Variants in CTIF observed in about 807,000 individuals in gnomAD.
The protein encoded by CTIF is CBP80/20-dependent translation initiation factor.
In CTIF, 21 loss-of-function variants were observed where a neutral mutation model predicts 66.0. The ratio of observed to expected loss-of-function variants is 0.32; its 90% confidence interval spans 0.23 to 0.46. The LOEUF (loss-of-function observed/expected upper bound fraction) is 0.46. Ranked by LOEUF, CTIF falls within the 20% of genes least tolerant of loss-of-function variation. CTIF has a pLI of 1.00. For missense variants in CTIF, 739 were observed against 812.7 expected, an observed-to-expected ratio of 0.91 and a Z score of 1.10; for synonymous variants, 345 against 326.4, an observed-to-expected ratio of 1.06 and a Z score of -0.62.
intron 1 of CTIF, among the ~76,000 whole-genome samples, chr18:48,577,504 T>C (rs1054426993): frequency 1.2e-4 from 19 of 152,316 alleles, no homozygotes; most frequent in Non-Finnish European, 2.6e-4. Flanking sequence ...AGATAAAAGC[T>C]TTTTTGAGAT....
At chr18:48,570,368 T>G (rs1462452190) in intron 1 of CTIF, among the ~76,000 whole-genome samples, 1 of 152,232 alleles carries the variant, frequency 6.6e-6, no homozygotes, top group Non-Finnish European at 1.5e-5. Flanking sequence ...AGTCCTGTCC[T>G]TCCATCATCA....
rs778494581 is a variant in CTIF, at chr18:48,636,630, G to A, written c.197G>A (p.Ser66Asn). 2 of 1,591,030 alleles carry A rather than the reference G, an allele frequency of 1.3e-6. No individual in the cohort carries two copies. Among genetic ancestry groups the A allele is most frequent in the Non-Finnish European group, 1.7e-6 (2 of 1,170,856 alleles). The part of the protein sequence containing the change: ...SHISQWTADC[S>N]EPLDSSCSFS... Reference sequence around the variant, plus strand: ...GTTCTGCAGTGGACAGCGGACTGCAGCGAACCGCTGGACAGCAGCTGTTCC... The same window carrying A: ...GTTCTGCAGTGGACAGCGGACTGCAACGAACCGCTGGACAGCAGCTGTTCC... Residue 66 changes from serine (S) to asparagine (N), a missense_variant, in exon 3 of 12, where the codon AGC becomes AAC. Coordinates refer to ENST00000256413, the MANE Select transcript of CTIF (RefSeq NM_014772.3).
At chr18:48,604,621 A>C (rs2090170414) in intron 1 of CTIF, among the ~76,000 whole-genome samples, 1 of 152,228 alleles carries the variant, frequency 6.6e-6, no homozygotes, top group Non-Finnish European at 1.5e-5. Flanking sequence ...CATGTACATT[A>C]CTTTTTTAAC....
At chr18:48,556,551 T>G (rs779574446) in intron 1 of CTIF, among the ~76,000 whole-genome samples, 1 of 152,184 alleles carries the variant, frequency 6.6e-6, no homozygotes, top group Non-Finnish European at 1.5e-5. Flanking sequence ...CCCACTCAGC[T>G]GCTCACTGGC....
rs60224766 is a variant in CTIF at position 48,602,850 on chromosome 18, AATGGATGGATGGATGGATGG to A, written c.-28-16669_-28-16650del. Among the ~76,000 whole-genome samples the A allele has an allele frequency of 4.8e-3, 685 of 142,664 alleles. 7 individuals are homozygous for A. Among genetic ancestry groups the A allele is most frequent in the African/African-American group, 0.017 (662 of 38,376 alleles). The allele number at this position is 142,664 out of a possible 152,430, so 93.6% of individuals were successfully genotyped here. On this transcript the variant is annotated intron_variant, in intron 1 of 11. Coordinates refer to ENST00000256413, the MANE Select transcript of CTIF (RefSeq NM_014772.3). ...GGATGAATGGATGGATGGATGGATG[AATGGATGGATGGATGGATGG>A]ATGGATGGATGGATGGATAAGAATG... is the stretch of plus-strand genomic sequence containing the variant.
At chr18:48,806,274 G>A (rs575899713) in intron 9 of CTIF, among the ~76,000 whole-genome samples, 1 of 152,306 alleles carries the variant, frequency 6.6e-6, no homozygotes, top group Non-Finnish European at 1.5e-5. Context: ...CAATTGCCCG[G>A]GAGAAGAATG....
intron 10 of CTIF, among the ~76,000 whole-genome samples, chr18:48,844,586 CTTAG>C (rs1226824019): frequency 2.0e-5 from 3 of 152,308 alleles, no homozygotes; most frequent in Admixed American, 6.5e-5. Flanking sequence ...GCCCGCCCGC[CTTAG>C]TTAGGAGGGC....
At chr18:48,837,339 G>A (rs1048994124) in intron 10 of CTIF, among the ~76,000 whole-genome samples, 1 of 152,112 alleles carries the variant, frequency 6.6e-6, no homozygotes, top group African/African-American at 2.4e-5. Context: ...TTTAGCAGGG[G>A]CCTGGCACAC....
intron 1 of CTIF, among the ~76,000 whole-genome samples, chr18:48,608,350 G>A (rs2090242605): frequency 6.6e-6 from 1 of 152,136 alleles, no homozygotes; most frequent in South Asian, 2.1e-4. Context: ...ATAAACGTTA[G>A]CTCAAATATT....
chr18:48,709,822 G>A (rs1466788689), intron 6 of CTIF, among the ~76,000 whole-genome samples: 1 of 152,238 alleles, frequency 6.6e-6, no homozygotes, highest in Admixed American at 6.5e-5. Context: ...GGCCCCAGAG[G>A]CCTATTGTGG....
chr18:48,624,268 A>T (rs2090553751), intron 2 of CTIF, among the ~76,000 whole-genome samples: 1 of 151,488 alleles, frequency 6.6e-6, no homozygotes, highest in South Asian at 2.1e-4. Flanking sequence ...AGGAGGAGGG[A>T]TTTTAGCCCT....
At chr18:48,547,455 A>G (rs2088778366) in intron 1 of CTIF, among the ~76,000 whole-genome samples, 1 of 152,224 alleles carries the variant, frequency 6.6e-6, no homozygotes, top group Non-Finnish European at 1.5e-5. Context: ...GAGACATCTT[A>G]GAGGTCATCT....
intron 9 of CTIF, among the ~76,000 whole-genome samples, chr18:48,776,724 A>G (rs1910718845): frequency 6.6e-6 from 1 of 152,234 alleles, no homozygotes. Context: ...TGAAGGTTGC[A>G]AGGAGGTCTA....
chr18:48,660,730 G>A (rs1264692622), intron 3 of CTIF, among the ~76,000 whole-genome samples: 5 of 152,226 alleles, frequency 3.3e-5, no homozygotes, highest in Admixed American at 6.5e-5. Flanking sequence ...ACCTGTCCTC[G>A]CTCCCTGCCA....
intron 10 of CTIF, among the ~76,000 whole-genome samples, chr18:48,854,764 TA>T (rs201795821): frequency 6.6e-6 from 1 of 151,256 alleles, no homozygotes; most frequent in Non-Finnish European, 1.5e-5. Context: ...CTACAAAAAA[TA>T]AAAAAAAATT....
chr18:48,825,493 T>C (rs1487209358), intron 10 of CTIF, among the ~76,000 whole-genome samples: 2 of 152,186 alleles, frequency 1.3e-5, no homozygotes, highest in South Asian at 2.1e-4. Context: ...GTGCATTCAA[T>C]TGCTCACATT....
At chr18:48,700,375 A>G (rs1367616206) in intron 6 of CTIF, among the ~76,000 whole-genome samples, 3 of 152,228 alleles carry the variant, frequency 2.0e-5, no homozygotes, top group Admixed American at 2.0e-4. Context: ...GTGTGAGAAC[A>G]GGCTAATACA....
At chr18:48,680,346 G>A (rs896158162) in intron 6 of CTIF, among the ~76,000 whole-genome samples, 19 of 152,252 alleles carry the variant, frequency 1.2e-4, no homozygotes, top group African/African-American at 4.6e-4. Flanking sequence ...ATGGGACAGG[G>A]AGCTGGGACA....
At chr18:48,820,977 G>A (rs2068472105) in intron 10 of CTIF, among the ~76,000 whole-genome samples, 1 of 152,224 alleles carries the variant, frequency 6.6e-6, no homozygotes, top group African/African-American at 2.4e-5. Context: ...AGGCGCCTCA[G>A]CCTGGAGGAC....
Sources: allele counts gnomAD v4.1 joint callset (sites outside exome capture counted in the v4.1 genomes callset), GRCh38; gene constraint gnomAD v4.1.1; transcripts MANE v1.5; gene names NCBI Gene and HGNC (gene_info 2026-07-23, HGNC 2026-07-21).